The following GFI1B variants were observed in gnomAD, a reference collection of about 807,000 sequenced individuals.
The protein encoded by GFI1B is growth factor independent 1B transcriptional repressor.
Under a neutral mutation model 35.3 loss-of-function variants are expected in GFI1B, and 20 were observed. That is an observed-to-expected ratio of 0.57 (90% CI 0.40 to 0.82). GFI1B has a LOEUF of 0.82. Among genes scored for constraint, GFI1B ranks in the 40% least tolerant of loss-of-function variants. The pLI is 0.00. For synonymous variants in GFI1B, 178 were observed against 177.6 expected, an observed-to-expected ratio of 1.00 and a Z score of -0.02; for missense variants, 430 against 446.3, an observed-to-expected ratio of 0.96 and a Z score of 0.33.
At chr9:132,963,085 A>T (rs1171709558) in intron 1 of GFI1B, among the ~76,000 whole-genome samples, 1 of 150,208 alleles carries the variant, frequency 6.7e-6, no homozygotes, top group East Asian at 1.9e-4. Flanking sequence ...CCATCTCAAA[A>T]AAAAAAAAAA....
downstream of GFI1B, among the ~76,000 whole-genome samples, chr9:132,993,043 C>T (rs1046374071): frequency 6.6e-6 from 1 of 152,136 alleles, no homozygotes; most frequent in Non-Finnish European, 1.5e-5. Context: ...CCTGTAATCC[C>T]AGCACTTTAG....
At chr9:132,963,073 C>T (rs1158896555) in intron 1 of GFI1B, among the ~76,000 whole-genome samples, 1 of 123,352 alleles carries the variant, frequency 8.1e-6, no homozygotes, top group Admixed American at 9.1e-5. Flanking sequence ...CAGAGTGAGA[C>T]TCCATCTCAA....
upstream of GFI1B, among the ~76,000 whole-genome samples, chr9:132,975,947 T>A (rs1848621887): frequency 6.6e-6 from 1 of 152,156 alleles, no homozygotes; most frequent in African/African-American, 2.4e-5. Context: ...TGGCTTCAAC[T>A]GCTATGCCAG....
Position 132,989,655 on chromosome 9 carries a change from A to G in GFI1B, c.649-87A>G, listed in dbSNP as rs1849214016. Reference sequence around the variant, plus strand: ...GGTCCTGCTCCTCCAGGCCGCCCCAATGGAGTGTCCTGTTCCGCAGGGGAT... The same window carrying G: ...GGTCCTGCTCCTCCAGGCCGCCCCAGTGGAGTGTCCTGTTCCGCAGGGGAT... On this transcript the variant is annotated intron_variant, in intron 5 of 6. Coordinates refer to ENST00000372122, the MANE Select transcript of GFI1B (RefSeq NM_001377304.1). The surrounding 1 kb of genome is among the most constrained non-coding windows in gnomAD (Gnocchi z 6.2). 9.1e-6 allele frequency: 10 copies of G among 1,101,046 alleles called. No individual in the cohort carries two copies. The highest frequency in any genetic ancestry group is 1.4e-5 in the Non-Finnish European group (10 of 736,398). 68.2% of individuals were successfully genotyped at this position (1,101,046 alleles called of 1,614,324 possible). A position where few individuals can be genotyped will look rare whatever the true frequency, so the allele number is the denominator to read the frequency against.
chr9:132,947,275 T>G (rs1848128359), intron 1 of GFI1B: 1 of 152,128 alleles, frequency 6.6e-6, no homozygotes, highest in South Asian at 2.1e-4. Context: ...ATTCTTTCAG[T>G]GCTGATGGTC....
At chr9:132,985,622 G>C (rs61047099) in intron 1 of GFI1B, among the ~76,000 whole-genome samples, 8,658 of 152,204 alleles carry the variant, frequency 0.057, 606 homozygotes, top group African/African-American at 0.16. Context: ...GCTTGCAGGA[G>C]CACGTGGATT....
At chr9:132,962,793 A>T (rs1346465922) in intron 1 of GFI1B, 2 of 268,710 alleles carry the variant, frequency 7.4e-6, no homozygotes, top group African/African-American at 4.5e-5. Context: ...ATTTTTGACA[A>T]GGCGCAATGG....
downstream of GFI1B, among the ~76,000 whole-genome samples, chr9:132,993,394 C>T (rs1246888254): frequency 6.6e-6 from 1 of 152,114 alleles, no homozygotes; most frequent in Non-Finnish European, 1.5e-5. Context: ...GGAATACCCC[C>T]AGGGAGACAG....
chr9:132,992,016 C>A (rs577421893), downstream of GFI1B, among the ~76,000 whole-genome samples: 2 of 152,096 alleles, frequency 1.3e-5, no homozygotes, highest in Non-Finnish European at 2.9e-5. Flanking sequence ...ATTCTAGAGG[C>A]CAGAAACTCA....
At chr9:132,983,025 A>C (rs903389524) in intron 1 of GFI1B, among the ~76,000 whole-genome samples, 8 of 152,080 alleles carry the variant, frequency 5.3e-5, no homozygotes, top group Middle Eastern at 3.2e-3. Flanking sequence ...GGTTAGAGTC[A>C]GTTGACCTGG....
At chr9:132,948,980 T>C (rs1293394417) in intron 1 of GFI1B, among the ~76,000 whole-genome samples, 10 of 152,206 alleles carry the variant, frequency 6.6e-5, no homozygotes, top group Admixed American at 6.5e-4. Flanking sequence ...TGGCCTGGCC[T>C]GGCCGTGAGG....
chr9:132,989,887 A>C lies in GFI1B; in HGVS notation c.794A>C (p.Lys265Thr). The change falls in exon 6 of 7, where the codon AAG becomes ACG. Residue 265 changes from lysine (K) to threonine (T), a missense_variant. By Grantham distance (78) the Lys-to-Thr change is moderately conservative (BLOSUM62 -1). Transcript: ENST00000372122. This position sits in a 1 kb window ranked among gnomAD's most constrained non-coding sequence, Gnocchi z 6.2. ...TTCCACCAGAAGTCCGACATGAAGA[A>C]GCACACCTACATCCACACAGGTGAG... Reference protein sequence around the residue: ...KRFHQKSDMKKHTYIHTGEKP... With the variant: ...KRFHQKSDMKTHTYIHTGEKP... The C allele has an allele frequency of 1.2e-6, 2 of 1,614,178 alleles. No homozygotes were observed. Among genetic ancestry groups the C allele is most frequent in the Non-Finnish European group, 1.7e-6 (2 of 1,180,006 alleles).
At chr9:132,965,032 C>T (rs1848429352) in intron 1 of GFI1B, among the ~76,000 whole-genome samples, 1 of 152,076 alleles carries the variant, frequency 6.6e-6, no homozygotes, top group Non-Finnish European at 1.5e-5. Flanking sequence ...TACTATGGCC[C>T]CCATATTCCC....
intron 1 of GFI1B, among the ~76,000 whole-genome samples, chr9:132,954,428 A>AG (rs1338621885): frequency 6.6e-6 from 1 of 151,948 alleles, no homozygotes; most frequent in African/African-American, 2.4e-5. Flanking sequence ...TACAAAAATT[A>AG]GCCAGATGTG....
intron 6 of GFI1B, 109 bp from the exon 7 acceptor site, chr9:132,990,763 A>G: frequency 1.1e-6 from 1 of 917,584 alleles, no homozygotes; most frequent in Non-Finnish European, 1.7e-6. Flanking sequence ...CATGAGAGAA[A>G]ACACAGGAAG....
At chr9:132,982,637 TGTCA>T (rs1404681081) in intron 1 of GFI1B, among the ~76,000 whole-genome samples, 1 of 152,210 alleles carries the variant, frequency 6.6e-6, no homozygotes, top group African/African-American at 2.4e-5. Flanking sequence ...ACGGAGTTCA[TGTCA>T]ATCAAAACCA....
At chr9:132,969,696 T>C (rs1848504153) in intron 1 of GFI1B, among the ~76,000 whole-genome samples, 1 of 152,182 alleles carries the variant, frequency 6.6e-6, no homozygotes, top group Admixed American at 6.5e-5. Context: ...AAGGACTCTT[T>C]CCTGTTTTCC....
At chr9:132,987,801 T>A (rs1026601198) in intron 3 of GFI1B, among the ~76,000 whole-genome samples, 2 of 152,038 alleles carry the variant, frequency 1.3e-5, no homozygotes, top group Non-Finnish European at 2.9e-5. Context: ...AAGGTAGTGG[T>A]GTGTGGTAGA....
At chr9:132,976,308 G>T (rs890048554), upstream of GFI1B, among the ~76,000 whole-genome samples, 1 of 152,162 alleles carries the variant, frequency 6.6e-6, no homozygotes, top group Non-Finnish European at 1.5e-5. Flanking sequence ...AAAATGACAC[G>T]CTGGTTTACA....
Sources: allele counts gnomAD v4.1 joint callset (sites outside exome capture counted in the v4.1 genomes callset), GRCh38; gene constraint gnomAD v4.1.1; non-coding constraint Gnocchi (gnomAD v3.1); transcripts MANE v1.5; gene names NCBI Gene and HGNC (gene_info 2026-07-23, HGNC 2026-07-21).